Variants in DKK3 observed in about 807,000 individuals in gnomAD.
DKK3 encodes dickkopf Wnt signaling pathway inhibitor 3.
In DKK3, 22 loss-of-function variants were observed where a neutral mutation model predicts 33.2. The observed-to-expected ratio is 0.66, with a 90% CI of 0.47 to 0.95. The LOEUF (loss-of-function observed/expected upper bound fraction) is 0.95, where lower values mean the gene tolerates loss of function less well. Among genes scored for constraint, DKK3 ranks in the 40% least tolerant of loss-of-function variants. The pLI is 0.00. For missense variants in DKK3, 398 were observed against 458.4 expected (o/e 0.87, Z 1.20); for synonymous variants, 194 against 188.8 (o/e 1.03, Z -0.23).
intron 3 of DKK3, among the ~76,000 whole-genome samples, chr11:11,981,288 C>T (rs6485334): frequency 6.6e-6 from 1 of 152,008 alleles, no homozygotes; most frequent in African/African-American, 2.4e-5. Context: ...AACAGCACTG[C>T]CTAGGGTTCC....
chr11:11,975,124 T>A (rs1847804561), intron 3 of DKK3, among the ~76,000 whole-genome samples: 1 of 152,190 alleles, frequency 6.6e-6, no homozygotes, highest in Non-Finnish European at 1.5e-5. Context: ...AGATTCCTGT[T>A]AAGTCGTCCT....
In DKK3 at chr11:12,008,556, C is replaced by A; in HGVS notation, c.27G>T (p.Leu9=). The A allele has an allele frequency of 6.6e-7, 1 of 1,526,482 alleles. No individual in the cohort carries two copies. Among genetic ancestry groups the A allele is most frequent in the Non-Finnish European group, 8.7e-7 (1 of 1,144,032 alleles). 94.6% of individuals were successfully genotyped at this position (1,526,482 alleles called of 1,614,324 possible). The change falls in exon 1 of 7, where the codon CTG becomes CTT. Residue 9 remains leucine, a synonymous_variant. Coordinates refer to ENST00000683431, the MANE Select transcript of DKK3 (RefSeq NM_001018057.2). The surrounding 1 kb of genome is among the most constrained non-coding windows in gnomAD (Gnocchi z 4.6). ...GGACCGCCGCCGCCAGCAGCAGGCA[C>A]AGCAGGGTGGCCCCAAGCCGCTGCA... MQRLGATL[L]CLLLAAAVPT...
rs193161422 is a variant in DKK3, at chr11:11,963,362, A to C, written c.*1102T>G. 1 of 152,464 alleles carries C rather than the reference A, an allele frequency of 6.6e-6. No individual in the cohort carries two copies. Among genetic ancestry groups the C allele is most frequent in the Non-Finnish European group, 1.5e-5 (1 of 68,034 alleles). 9.4% of individuals were successfully genotyped at this position (152,464 alleles called of 1,614,324 possible). A position where few individuals can be genotyped will look rare whatever the true frequency, so the allele number is the denominator to read the frequency against. On this transcript the variant is annotated 3_prime_UTR_variant, in exon 7 of 7. Coordinates refer to ENST00000683431, the MANE Select transcript of DKK3 (RefSeq NM_001018057.2). ...GTTTGATTTTCTCCACGTGGTTGAT[A>C]ATTGTCTTCAGTTGCTGCTAAGTGA...
intron 5 of DKK3, 74 bp from the exon 6 acceptor site, chr11:11,966,039 T>A: frequency 6.7e-7 from 1 of 1,499,646 alleles, no homozygotes. Context: ...GGCAAAGAAA[T>A]GGAGCATAAC....
At chr11:12,002,988 T>C (rs999780362) in intron 1 of DKK3, among the ~76,000 whole-genome samples, 4 of 152,242 alleles carry the variant, frequency 2.6e-5, no homozygotes, top group African/African-American at 9.6e-5. Flanking sequence ...ACAGTCTAGC[T>C]TCTCCCTTCG....
intron 3 of DKK3, among the ~76,000 whole-genome samples, chr11:11,969,804 G>C (rs531904030): frequency 3.8e-4 from 58 of 152,164 alleles, no homozygotes; most frequent in African/African-American, 1.4e-3. Context: ...AAGTGCTGGC[G>C]GCCCAGCAAC....
intron 4 of DKK3, 146 bp downstream of exon 4, chr11:11,968,249 C>T (rs1427901020): frequency 1.9e-5 from 13 of 668,156 alleles, no homozygotes; most frequent in Middle Eastern, 8.0e-4. Flanking sequence ...CTCCAGGAGT[C>T]AGCCCTCTGG....
At position 12,008,403 on chromosome 11, in the gene DKK3, G is replaced by A. The variant is rs758348925; in HGVS notation, c.180C>T (p.Asp60=). Reference sequence around the variant, plus strand: ...CCGCGCTGCGCAATTTGTGCTGCGTGTCCTCCATCAGTTCCTCAACCTCGC... The same window carrying A: ...CCGCGCTGCGCAATTTGTGCTGCGTATCCTCCATCAGTTCCTCAACCTCGC... ...MFREVEELME[D]TQHKLRSAVE... Residue 60 remains aspartate (D), a synonymous_variant, in exon 1 of 7, where the codon GAC becomes GAT. Coordinates refer to ENST00000683431, the MANE Select transcript of DKK3 (RefSeq NM_001018057.2). The surrounding 1 kb of genome is among the most constrained non-coding windows in gnomAD (Gnocchi z 4.6). 1.4e-5 allele frequency: 23 copies of A among 1,608,198 alleles called. No homozygotes were observed. Among genetic ancestry groups the A allele is most frequent in the Middle Eastern group, 3.3e-4 (2 of 6,066 alleles).
Position 11,965,951 on chromosome 11 carries a change from C to A in DKK3, c.688G>T (p.Val230Leu). 6.2e-7 allele frequency: 1 copy of A among 1,612,448 alleles called. No homozygotes were observed. Residue 230 changes from valine (V) to leucine (L), a missense_variant, in exon 6 of 7, where the codon GTG becomes TTG. By Grantham distance (32) the Val-to-Leu change is conservative (BLOSUM62 1). Transcript: ENST00000683431. ...CCCTCCACGGGCAGGGGTGTGCACA[C>A]AGGGAACAGCAGGCCTGGAACCAGC... ...CAFQRGLLFP[V>L]CTPLPVEGEL...
At chr11:11,988,857 G>C (rs2135064419) in intron 3 of DKK3, among the ~76,000 whole-genome samples, 1 of 152,368 alleles carries the variant, frequency 6.6e-6, no homozygotes, top group South Asian at 2.1e-4. Context: ...GGTGAGGGGT[G>C]AGAAACTCAG....
At chr11:11,981,017 C>G (rs17464087) in intron 3 of DKK3, among the ~76,000 whole-genome samples, 24,745 of 152,206 alleles carry the variant, frequency 0.16, 2,506 homozygotes, top group Non-Finnish European at 0.24. Flanking sequence ...GACCAAGGGA[C>G]TGCTTCCAGA....
intron 4 of DKK3, 54 bp downstream of exon 4, chr11:11,968,341 C>G: frequency 6.5e-7 from 1 of 1,537,732 alleles, no homozygotes; most frequent in Non-Finnish European, 8.9e-7. Context: ...TGGCTTTCTC[C>G]CCCAGGTGCC....
In DKK3 at chr11:12,008,348, C is replaced by A; in HGVS notation, c.213+22G>T. The A allele has an allele frequency of 6.3e-7, 1 of 1,595,210 alleles. No homozygotes were observed. Among genetic ancestry groups the A allele is most frequent in the Non-Finnish European group, 8.5e-7 (1 of 1,175,482 alleles). On this transcript the variant is annotated intron_variant, in intron 1 of 6. Coordinates refer to ENST00000683431, the MANE Select transcript of DKK3 (RefSeq NM_001018057.2). The surrounding 1 kb of genome is among the most constrained non-coding windows in gnomAD (Gnocchi z 4.6). ...CCCAGTCTGGCGCTTCTCAGAGCCC[C>A]GCGCCGCCAGGGCGCACCCACCTCT...
chr11:12,003,017 T>C (rs1437246112), intron 1 of DKK3, among the ~76,000 whole-genome samples: 3 of 152,250 alleles, frequency 2.0e-5, no homozygotes, highest in Non-Finnish European at 2.9e-5. Flanking sequence ...TTCTAAAGCA[T>C]GTAGAATCTA....
chr11:11,998,354 C>G, intron 3 of DKK3: 1 of 395,284 alleles, frequency 2.5e-6, no homozygotes, highest in Non-Finnish European at 4.6e-6. Flanking sequence ...ATCCCAGAGG[C>G]TCTGGGGATT....
At chr11:11,975,214 C>A (rs1847807188) in intron 3 of DKK3, among the ~76,000 whole-genome samples, 1 of 152,212 alleles carries the variant, frequency 6.6e-6, no homozygotes, top group Non-Finnish European at 1.5e-5. Flanking sequence ...GCCCCAGTCT[C>A]CTCTGTTTCG....
chr11:11,999,000 G>C (rs986387313), intron 2 of DKK3, among the ~76,000 whole-genome samples: 1 of 152,084 alleles, frequency 6.6e-6, no homozygotes, highest in African/African-American at 2.4e-5. Flanking sequence ...AGCCTCATAG[G>C]GTTGCTATGA....
chr11:11,987,673 G>A (rs556195267), intron 3 of DKK3, among the ~76,000 whole-genome samples: 56 of 152,342 alleles, frequency 3.7e-4, no homozygotes, highest in Middle Eastern at 6.8e-3. Context: ...AGGAGTTCAG[G>A]GGACCCTGTG....
At chr11:12,009,378 C>T (rs1302543349), upstream of DKK3, 62 of 974,890 alleles carry the variant, frequency 6.4e-5, no homozygotes, top group Non-Finnish European at 7.2e-5. Context: ...GCCCCCGCCC[C>T]GAGCCCCGCC....
Sources: gnomAD v4.1 joint callset for allele counts (sites outside exome capture counted in the v4.1 genomes callset) on GRCh38, gnomAD v4.1.1 for gene constraint, Gnocchi (gnomAD v3.1) non-coding constraint, MANE v1.5 for transcripts, NCBI Gene and HGNC (gene_info 2026-07-23, HGNC 2026-07-21) for gene names.